The following ADAM32 variants were observed in gnomAD, a reference collection of about 807,000 sequenced individuals.
ADAM32 encodes the protein ADAM metallopeptidase domain 32, also known as disintegrin and metalloproteinase domain-containing protein 32.
In ADAM32, 89 loss-of-function variants were observed where a neutral mutation model predicts 114.9. The ratio of observed to expected loss-of-function variants is 0.77; its 90% CI spans 0.65 to 0.92. The LOEUF is 0.92. Among genes scored for constraint, ADAM32 ranks in the 40% least tolerant of loss-of-function variants. The probability of loss-of-function intolerance (pLI) is 0.00; values close to 1 mark genes in which losing one functional copy is unlikely to be tolerated. For missense variants in ADAM32, 870 were observed against 932.8 expected, an observed-to-expected ratio of 0.93 and a Z score of 0.88; for synonymous variants, 285 against 307.5, an observed-to-expected ratio of 0.93 and a Z score of 0.77.
At chr8:39,112,266 G>T (rs1247409820) in intron 1 of ADAM32, among the ~76,000 whole-genome samples, 1 of 152,032 alleles carries the variant, frequency 6.6e-6, no homozygotes, top group African/African-American at 2.4e-5. Flanking sequence ...AAAGCATATT[G>T]TATAAATTTA....
chr8:39,186,350 A>C (rs1455783260), intron 10 of ADAM32, among the ~76,000 whole-genome samples: 2 of 152,210 alleles, frequency 1.3e-5, no homozygotes, highest in African/African-American at 4.8e-5. Context: ...TTTCGCAAGG[A>C]GGTTATCTGT....
At chr8:39,275,499 A>T (rs1194667122) in intron 21 of ADAM32, among the ~76,000 whole-genome samples, 1 of 152,206 alleles carries the variant, frequency 6.6e-6, no homozygotes, top group Admixed American at 6.5e-5. Context: ...GTATTTATCA[A>T]CGGATAGACT....
At chr8:39,189,079 G>T (rs1351254152) in intron 11 of ADAM32, among the ~76,000 whole-genome samples, 2 of 152,024 alleles carry the variant, frequency 1.3e-5, no homozygotes, top group East Asian at 3.9e-4. Flanking sequence ...GATTTACTGT[G>T]TACCTATTAA....
At chr8:39,108,611 C>T (rs1054203231) in intron 1 of ADAM32, among the ~76,000 whole-genome samples, 1 of 152,160 alleles carries the variant, frequency 6.6e-6, no homozygotes, top group African/African-American at 2.4e-5. Flanking sequence ...ATGCCATGTA[C>T]TGACTCTGGC....
chr8:39,244,114 T>C (rs1405100855), intron 16 of ADAM32, among the ~76,000 whole-genome samples: 1 of 152,128 alleles, frequency 6.6e-6, no homozygotes, highest in Non-Finnish European at 1.5e-5. Flanking sequence ...AAAGAAATTA[T>C]AGATGACACA....
Position 39,257,202 on chromosome 8 carries a change from G to C in ADAM32, c.2021G>C (p.Arg674Thr), listed in dbSNP as rs751157331. The C allele has an allele frequency of 3.8e-6, 6 of 1,583,670 alleles. No individual in the cohort carries two copies. The South Asian group carries it at 7.0e-5, about 19-fold the overall frequency. ...CTGTTTTTAGGTTCAATCATGGAAA[G>C]AGCATCTGGGAAGACTGAAAACACC... Reference protein sequence around the residue: ...PEEDMGSIMERASGKTENTWL... With the variant: ...PEEDMGSIMETASGKTENTWL... Residue 674 changes from arginine to threonine, a missense_variant, in exon 19 of 25, where the codon AGA (arginine) becomes ACA (threonine). Transcript: ENST00000379907.
At chr8:39,133,990 C>T (rs141632058) in intron 2 of ADAM32, among the ~76,000 whole-genome samples, 1 of 152,264 alleles carries the variant, frequency 6.6e-6, no homozygotes, top group Non-Finnish European at 1.5e-5. Flanking sequence ...TGCTTCATCT[C>T]CCTTTGTCCA....
At chr8:39,118,061 C>CT (rs746884956) in intron 1 of ADAM32, 25 bp from the exon 2 acceptor site, 82,840 of 1,035,486 alleles carry the variant, frequency 0.08, 1 homozygote, top group South Asian at 0.089. Flanking sequence ...AGGTTACTAA[C>CT]TTTTTTTTTT....
At position 39,120,126 on chromosome 8, in the gene ADAM32, A is replaced by G. The variant is rs180833289; in HGVS notation, c.138+1961A>G. Among the ~76,000 whole-genome samples the G allele has an allele frequency of 8.5e-5, 13 of 152,260 alleles. No individual in the cohort carries two copies. In the East Asian group the frequency reaches 2.5e-3, roughly 29 times the overall value. On this transcript the variant is annotated intron_variant, in intron 2 of 24. Transcript: ENST00000379907. ...AGCCTCCAGAACTGTGAGAAAATAC[A>G]TTTTTGTTGGTTAAGCCACCTTGTC...
At chr8:39,108,076 A>G (rs1200614773) in intron 1 of ADAM32, 2 of 466,194 alleles carry the variant, frequency 4.3e-6, no homozygotes, top group Non-Finnish European at 7.2e-6. Context: ...TTGACCTCGG[A>G]GTTGGAGACC....
chr8:39,222,916 A>G (rs573669819), intron 13 of ADAM32, 124 bp from the exon 14 acceptor site: 1 of 675,610 alleles, frequency 1.5e-6, no homozygotes, highest in Admixed American at 4.0e-5. Flanking sequence ...TTTGTACAAA[A>G]AAGTATTAAT....
intron 2 of ADAM32, among the ~76,000 whole-genome samples, chr8:39,123,769 C>A (rs1395474489): frequency 6.8e-6 from 1 of 147,688 alleles, no homozygotes; most frequent in Admixed American, 6.8e-5. Flanking sequence ...TGCAGTGGCG[C>A]GATCTTGGCT....
At chr8:39,168,857 T>C (rs1455602122) in intron 9 of ADAM32, 1 of 152,092 alleles carries the variant, frequency 6.6e-6, no homozygotes, top group Non-Finnish European at 1.5e-5. Context: ...AAAAAATATA[T>C]TACTGAGCTT....
chr8:39,236,772 T>C (rs1478427444), intron 16 of ADAM32, among the ~76,000 whole-genome samples: 2 of 152,080 alleles, frequency 1.3e-5, no homozygotes, highest in Admixed American at 1.3e-4. Flanking sequence ...AGAAAAAAAT[T>C]AAAATATTTT....
At chr8:39,213,152 AT>A (rs963719502) in intron 12 of ADAM32, among the ~76,000 whole-genome samples, 9 of 151,852 alleles carry the variant, frequency 5.9e-5, no homozygotes, top group Non-Finnish European at 1.0e-4. Flanking sequence ...CATACTTATT[AT>A]TTTTTTTGTG....
At chr8:39,169,323 A>G (rs1373385846) in intron 9 of ADAM32, 1 of 152,272 alleles carries the variant, frequency 6.6e-6, no homozygotes, top group Non-Finnish European at 1.5e-5. Context: ...TGAGAGAGTT[A>G]CTTATACTTC....
intron 17 of ADAM32, among the ~76,000 whole-genome samples, chr8:39,247,496 T>C (rs1811006330): frequency 6.6e-6 from 1 of 152,152 alleles, no homozygotes; most frequent in Admixed American, 6.5e-5. Flanking sequence ...CTATTTTTTT[T>C]TGGTGAGGGG....
At chr8:39,116,669 A>G (rs1334405986) in intron 1 of ADAM32, among the ~76,000 whole-genome samples, 3 of 152,166 alleles carry the variant, frequency 2.0e-5, no homozygotes, top group Non-Finnish European at 4.4e-5. Context: ...GTGTAGAATC[A>G]TATCGTCTGT....
intron 7 of ADAM32, among the ~76,000 whole-genome samples, chr8:39,161,719 G>C (rs1439730878): frequency 2.0e-5 from 3 of 152,094 alleles, no homozygotes; most frequent in African/African-American, 7.2e-5. Flanking sequence ...TTTAGAGCTT[G>C]TCAGGAAGCC....
Sources: allele counts gnomAD v4.1 joint callset (sites outside exome capture counted in the v4.1 genomes callset), GRCh38; gene constraint gnomAD v4.1.1; transcripts MANE v1.5; gene names NCBI Gene and HGNC (gene_info 2026-07-23, HGNC 2026-07-21).